The following PALLD variants were observed in gnomAD, a reference collection of about 807,000 sequenced individuals.
PALLD encodes palladin.
A neutral mutation model predicts 123.5 loss-of-function variants in PALLD; 61 were observed. The observed-to-expected ratio is 0.49, with a 90% CI of 0.40 to 0.61. PALLD has a LOEUF of 0.61. PALLD is among the 20% of genes least tolerant of loss of function. The probability of loss-of-function intolerance (pLI) is 0.00; values close to 1 mark genes in which losing one functional copy is unlikely to be tolerated. For missense variants in PALLD, 1,273 were observed against 1,377.0 expected (o/e 0.92, Z 1.20); for synonymous variants, 465 against 496.4 (o/e 0.94, Z 0.84).
intron 10 of PALLD, among the ~76,000 whole-genome samples, chr4:168,834,405 T>C (rs6838667): frequency 0.63 from 95,695 of 151,906 alleles, 30,964 homozygotes; most frequent in Non-Finnish European, 0.7. Context: ...TAGATCCTTA[T>C]GAGCTCTAGA....
At chr4:168,717,771 T>A (rs1300716365) in intron 10 of PALLD, among the ~76,000 whole-genome samples, 2 of 152,220 alleles carry the variant, frequency 1.3e-5, no homozygotes, top group Non-Finnish European at 2.9e-5. Context: ...ACCAAATGAG[T>A]ATGAAGAATT....
At chr4:168,897,289 T>C (rs1377962686) in intron 13 of PALLD, among the ~76,000 whole-genome samples, 1 of 152,268 alleles carries the variant, frequency 6.6e-6, no homozygotes, top group Non-Finnish European at 1.5e-5. Flanking sequence ...ACTTGTGGTA[T>C]AACTCTTGCA....
chr4:168,893,738 AC>A (rs1259851920), intron 11 of PALLD, among the ~76,000 whole-genome samples: 3 of 152,216 alleles, frequency 2.0e-5, no homozygotes, highest in South Asian at 2.1e-4. Flanking sequence ...CAACAGTCAC[AC>A]AAAAATGCCG....
chr4:168,566,342 A>G (rs1455612554), intron 2 of PALLD, among the ~76,000 whole-genome samples: 1 of 152,118 alleles, frequency 6.6e-6, no homozygotes, highest in Non-Finnish European at 1.5e-5. Context: ...AGTATCACCC[A>G]GGCTGGAATG....
intron 2 of PALLD, among the ~76,000 whole-genome samples, chr4:168,639,630 A>G (rs566352839): frequency 1.6e-4 from 23 of 145,626 alleles, no homozygotes; most frequent in East Asian, 8.0e-4. Flanking sequence ...TGCAAGCTCC[A>G]CCTCCCAGGT....
intron 10 of PALLD, among the ~76,000 whole-genome samples, chr4:168,759,174 C>A (rs1322240417): frequency 2.7e-5 from 1 of 37,724 alleles, no homozygotes; most frequent in Non-Finnish European, 4.1e-5. Flanking sequence ...AGTGAGACTC[C>A]ATCTCAAAAA....
intron 10 of PALLD, among the ~76,000 whole-genome samples, chr4:168,888,117 A>C (rs746246351): frequency 6.6e-6 from 1 of 152,122 alleles, no homozygotes; most frequent in Non-Finnish European, 1.5e-5. Context: ...AAACTAGCAA[A>C]CTATGCACGT....
chr4:168,796,547 T>TGGAACCTGTACTA (rs1462144502), intron 10 of PALLD, among the ~76,000 whole-genome samples: 20 of 152,252 alleles, frequency 1.3e-4, no homozygotes, highest in Non-Finnish European at 2.6e-4. Flanking sequence ...CCCTGTACTC[T>TGGAACCTGTACTA]TGGCCCAGGA....
chr4:168,860,889 TAA>T (rs1343948015), intron 10 of PALLD, among the ~76,000 whole-genome samples: 3 of 152,188 alleles, frequency 2.0e-5, no homozygotes, highest in Admixed American at 2.0e-4. Flanking sequence ...CATTTTTCTT[TAA>T]GAGAGAATTT....
At chr4:168,852,052 G>T (rs1747874191) in intron 10 of PALLD, among the ~76,000 whole-genome samples, 3 of 152,192 alleles carry the variant, frequency 2.0e-5, no homozygotes, top group Admixed American at 1.3e-4. Flanking sequence ...TGGAGACGTA[G>T]ACACTACCTG....
rs112931506 is a variant in PALLD at position 168,582,063 on chromosome 4, C to T, written c.908+69651C>T. On this transcript the variant is annotated intron_variant, in intron 2 of 21. Transcript: ENST00000505667. ...GCACCCTTGTTGAAGACCAACTGTC[C>T]ATATATGTATGGGTTTATTTCTGGG... Among the ~76,000 whole-genome samples the T allele has an allele frequency of 2.7e-3, 408 of 152,006 alleles. 1 individual carries two copies. The highest frequency in any genetic ancestry group is 9.2e-3 in the African/African-American group (382 of 41,502).
At chr4:168,539,106 A>T (rs1373636615) in intron 2 of PALLD, among the ~76,000 whole-genome samples, 1 of 152,232 alleles carries the variant, frequency 6.6e-6, no homozygotes, top group Non-Finnish European at 1.5e-5. Context: ...TACCTGAGGG[A>T]TGAATTTCAA....
At chr4:168,875,906 G>A (rs923902878) in intron 10 of PALLD, among the ~76,000 whole-genome samples, 19 of 152,186 alleles carry the variant, frequency 1.2e-4, no homozygotes, top group East Asian at 1.9e-4. Context: ...GGTACAGAGC[G>A]TGATATGATG....
At chr4:168,700,246 A>G (rs935510636) in intron 8 of PALLD, 1 of 152,904 alleles carries the variant, frequency 6.5e-6, no homozygotes, top group African/African-American at 2.4e-5. Context: ...TTCAAATTTT[A>G]TCTAGTTAAA....
intron 5 of PALLD, among the ~76,000 whole-genome samples, chr4:168,684,317 A>C (rs980856154): frequency 3.3e-5 from 5 of 152,196 alleles, no homozygotes; most frequent in African/African-American, 1.2e-4. Context: ...ATGGAATGGA[A>C]GGTAATTTAC....
At chr4:168,520,248 T>C (rs551168991) in intron 2 of PALLD, among the ~76,000 whole-genome samples, 4 of 144,724 alleles carry the variant, frequency 2.8e-5, no homozygotes, top group Admixed American at 7.2e-5. Context: ...ATGGCTTGAA[T>C]CCGGGAGGCG....
chr4:168,887,350 T>C (rs906702836), intron 10 of PALLD, among the ~76,000 whole-genome samples: 4 of 152,106 alleles, frequency 2.6e-5, no homozygotes, highest in African/African-American at 9.7e-5. Flanking sequence ...AATAGACAGG[T>C]ATTTTCTTGT....
At chr4:168,527,641 G>A (rs916349616) in intron 2 of PALLD, among the ~76,000 whole-genome samples, 1 of 152,044 alleles carries the variant, frequency 6.6e-6, no homozygotes, top group African/African-American at 2.4e-5. Flanking sequence ...TAAATATGAG[G>A]ATCATAAGTC....
At chr4:168,639,251 T>A (rs1580709862) in intron 2 of PALLD, among the ~76,000 whole-genome samples, 1 of 152,214 alleles carries the variant, frequency 6.6e-6, no homozygotes, top group Non-Finnish European at 1.5e-5. Context: ...ATTTTATAGA[T>A]GAGGAAACTG....
Sources: allele counts gnomAD v4.1 joint callset (sites outside exome capture counted in the v4.1 genomes callset), GRCh38; gene constraint gnomAD v4.1.1; transcripts MANE v1.5; gene names NCBI Gene and HGNC (gene_info 2026-07-23, HGNC 2026-07-21).